ATXN7L1: variants seen among roughly 807,000 people sequenced by gnomAD.
ATXN7L1 encodes the protein ataxin-7-like protein 1.
A neutral mutation model predicts 70.8 loss-of-function variants in ATXN7L1; 15 were observed. The observed-to-expected ratio is 0.21, with a 90% CI of 0.14 to 0.33. The LOEUF is 0.33. Among genes scored for constraint, ATXN7L1 ranks in the 10% least tolerant of loss-of-function variants. The probability of loss-of-function intolerance (pLI) is 1.00; values close to 1 mark genes in which losing one functional copy is unlikely to be tolerated. For missense variants in ATXN7L1, 975 were observed against 1,097.1 expected, an observed-to-expected ratio of 0.89 and a Z score of 1.57; for synonymous variants, 440 against 445.1, an observed-to-expected ratio of 0.99 and a Z score of 0.14.
At chr7:105,733,123 G>C (rs1422061663) in intron 3 of ATXN7L1, among the ~76,000 whole-genome samples, 1 of 152,032 alleles carries the variant, frequency 6.6e-6, no homozygotes, top group Admixed American at 6.5e-5. Flanking sequence ...TGAAAGCAGG[G>C]GCTTTACCTG....
intron 3 of ATXN7L1, among the ~76,000 whole-genome samples, chr7:105,751,994 C>G (rs1799273746): frequency 6.6e-6 from 1 of 152,242 alleles, no homozygotes; most frequent in East Asian, 1.9e-4. Flanking sequence ...AGGATTAATA[C>G]AGTACAGACA....
intron 10 of ATXN7L1, among the ~76,000 whole-genome samples, chr7:105,611,564 G>C (rs1246275300): frequency 6.6e-6 from 1 of 152,162 alleles, no homozygotes; most frequent in Admixed American, 6.5e-5. Flanking sequence ...TAGAGACAGG[G>C]TTTTGCCATG....
At chr7:105,709,756 CT>C (rs1320637745) in intron 3 of ATXN7L1, among the ~76,000 whole-genome samples, 1 of 152,162 alleles carries the variant, frequency 6.6e-6, no homozygotes, top group Non-Finnish European at 1.5e-5. Context: ...CCTCATGTGG[CT>C]CTGAGGTGTG....
chr7:105,662,709 ATAAAT>A (rs1490593649), intron 4 of ATXN7L1, among the ~76,000 whole-genome samples: 2 of 152,180 alleles, frequency 1.3e-5, no homozygotes, highest in Non-Finnish European at 2.9e-5. Flanking sequence ...TAGACTCTGA[ATAAAT>A]TATTTGATCA....
rs1462125950 is a variant in ATXN7L1, at chr7:105,727,777, T to TATATATATATATATATAC, written c.355+60826_355+60827insGTATATATATATATATAT. ...ATATATATATATATATATATATATA[T>TATATATATATATATATAC]ACACACACATACACACATATATATA... On this transcript the variant is annotated intron_variant, in intron 3 of 11. Transcript: ENST00000419735. Among the ~76,000 whole-genome samples the TATATATATATATATATAC allele has an allele frequency of 2.3e-3, 204 of 90,022 alleles. 1 individual carries two copies. Among genetic ancestry groups the TATATATATATATATATAC allele is most frequent in the South Asian group, 6.3e-3 (16 of 2,552 alleles). The allele number at this position is 90,022 out of a possible 152,430, so 59.1% of individuals were successfully genotyped here.
chr7:105,704,015 C>T (rs1040956506), intron 3 of ATXN7L1, among the ~76,000 whole-genome samples: 2 of 146,202 alleles, frequency 1.4e-5, no homozygotes, highest in Non-Finnish European at 3.0e-5. Flanking sequence ...CAAGGTTGTG[C>T]GGGAGAAGCT....
chr7:105,669,441 C>T lies in ATXN7L1; in HGVS notation c.356-4153G>A, dbSNP rs1803177560. Among the ~76,000 whole-genome samples, 5 of 152,270 alleles carry T rather than the reference C, an allele frequency of 3.3e-5. No individual in the cohort carries two copies. In the South Asian group the frequency reaches 1.0e-3, roughly 32 times the overall value. On this transcript the variant is annotated intron_variant, in intron 3 of 11. Coordinates refer to ENST00000419735, the MANE Select transcript of ATXN7L1 (RefSeq NM_020725.2). The stretch of plus-strand genomic sequence containing the variant: ...TGCAGTGAGGGAATATTAATTAAAA[C>T]CTGAAGACAGCCCTTTGCCCTTAAT...
intron 3 of ATXN7L1, chr7:105,678,109 T>TTC: frequency 2.7e-4 from 160 of 600,490 alleles, no homozygotes; most frequent in Non-Finnish European, 3.3e-4. Context: ...TTTTTTTTTT[T>TTC]CCTTTCTGGC....
intron 3 of ATXN7L1, among the ~76,000 whole-genome samples, chr7:105,690,900 A>T (rs1171544427): frequency 6.6e-6 from 1 of 152,246 alleles, no homozygotes; most frequent in African/African-American, 2.4e-5. Flanking sequence ...TTCTTACTCA[A>T]ACATGCACAC....
In ATXN7L1 at chr7:105,632,312, T is replaced by C. The variant is rs948817104; in HGVS notation, c.1202+6041A>G. Among the ~76,000 whole-genome samples the C allele has an allele frequency of 2.0e-5, 3 of 152,218 alleles. No individual in the cohort carries two copies. In the East Asian group the frequency reaches 5.8e-4, roughly 29 times the overall value. ...ACCTCTGAAAAACGATAGTATCTTGTGGTAAACAACCAGATAAAGAGAACC... is the reference window on the plus strand; with the variant it reads ...ACCTCTGAAAAACGATAGTATCTTGCGGTAAACAACCAGATAAAGAGAACC... On this transcript the variant is annotated intron_variant, in intron 7 of 11. Coordinates refer to ENST00000419735, the MANE Select transcript of ATXN7L1 (RefSeq NM_020725.2).
chr7:105,839,294 G>A (rs1445331484), intron 2 of ATXN7L1, among the ~76,000 whole-genome samples: 1 of 151,806 alleles, frequency 6.6e-6, no homozygotes. Flanking sequence ...GAACATGGAA[G>A]ATGGTTGCCT....
chr7:105,663,503 T>C (rs1263164197), intron 4 of ATXN7L1, among the ~76,000 whole-genome samples: 1 of 152,234 alleles, frequency 6.6e-6, no homozygotes, highest in Non-Finnish European at 1.5e-5. Context: ...CATCAATTAA[T>C]GGAACACTTT....
chr7:105,851,792 A>G lies in ATXN7L1; in HGVS notation c.250+24020T>C, dbSNP rs59303716. Among the ~76,000 whole-genome samples the G allele has an allele frequency of 3.4e-3, 512 of 152,290 alleles. 2 individuals are homozygous for G. Among genetic ancestry groups the G allele is most frequent in the African/African-American group, 0.012 (497 of 41,558 alleles). On this transcript the variant is annotated intron_variant, in intron 2 of 11. Transcript: ENST00000419735. ...AAACCACAGAACCATCCCCAGGAGA[A>G]ATGTGCACACACAAAACACGCCCTC...
chr7:105,780,885 T>C, intron 3 of ATXN7L1, among the ~76,000 whole-genome samples: 1 of 152,252 alleles, frequency 6.6e-6, no homozygotes, highest in East Asian at 1.9e-4. Context: ...AAGTCATTTC[T>C]GGGCATAAAC....
Position 105,614,482 on chromosome 7 carries a change from G to A in ATXN7L1, c.1852C>T (p.Pro618Ser). 1 of 1,535,442 alleles carries A rather than the reference G, an allele frequency of 6.5e-7. No individual in the cohort carries two copies. The highest frequency in any genetic ancestry group is 8.8e-7 in the Non-Finnish European group (1 of 1,137,872). The change falls in exon 10 of 12, where the codon CCA becomes TCA. Residue 618 changes from proline (P) to serine (S), a missense_variant. This residue lies in a region of ATXN7L1 where 635 missense variants were observed against 699.4 expected (regional missense o/e 0.91). Transcript: ENST00000419735. The surrounding 1 kb of genome is among the most constrained non-coding windows in gnomAD (Gnocchi z 4.3). ...GATTTGCTGGTTTTGGTTTTGGATG[G>A]CTTGTGGGATGGGGAAGGGATGACG... Reference protein sequence around the residue: ...PAVIPSPSHKPSKTKTSKSSK... With the variant: ...PAVIPSPSHKSSKTKTSKSSK...
At chr7:105,738,229 T>C (rs146399096) in intron 3 of ATXN7L1, among the ~76,000 whole-genome samples, 25 of 152,352 alleles carry the variant, frequency 1.6e-4, no homozygotes, top group African/African-American at 5.5e-4. Context: ...TGACATCAAG[T>C]GGCTTTCTAA....
chr7:105,864,311 A>T (rs1015434600), intron 2 of ATXN7L1, among the ~76,000 whole-genome samples: 1 of 150,784 alleles, frequency 6.6e-6, no homozygotes, highest in South Asian at 2.1e-4. Context: ...AAAAAAAATT[A>T]GGCAGGCATG....
intron 3 of ATXN7L1, among the ~76,000 whole-genome samples, chr7:105,762,608 A>G (rs890408805): frequency 2.0e-5 from 3 of 152,116 alleles, no homozygotes; most frequent in African/African-American, 4.8e-5. Context: ...TATGGCCCCA[A>G]TGGCTGCAGC....
chr7:105,608,139 C>T (rs1465840093), intron 11 of ATXN7L1, among the ~76,000 whole-genome samples: 1 of 152,162 alleles, frequency 6.6e-6, no homozygotes, highest in African/African-American at 2.4e-5. Flanking sequence ...AACACAAGGA[C>T]GAATGCCGCG....
Sources: gnomAD v4.1 joint callset for allele counts (sites outside exome capture counted in the v4.1 genomes callset) on GRCh38, gnomAD v4.1.1 for gene constraint, gnomAD v4.1.1 regional missense constraint, Gnocchi (gnomAD v3.1) non-coding constraint, MANE v1.5 for transcripts, NCBI Gene and HGNC (gene_info 2026-07-23, HGNC 2026-07-21) for gene names.